Variants in WWOX observed in about 807,000 individuals in gnomAD.
The protein encoded by WWOX is WW domain-containing oxidoreductase.
Under a neutral mutation model 46.2 loss-of-function variants are expected in WWOX, and 69 were observed. That is an observed-to-expected ratio of 1.49 (90% CI 1.23 to 1.82). The LOEUF is 1.82. Among genes scored for constraint, WWOX ranks in the 40% most tolerant of loss-of-function variants. The pLI is 0.00. For missense variants in WWOX, 919 were observed against 542.6 expected (o/e 1.69, Z -6.89); for synonymous variants, 359 against 202.6 (o/e 1.77, Z -6.56).
intron 8 of WWOX, among the ~76,000 whole-genome samples, chr16:78,866,420 A>G (rs941775182): frequency 2.7e-5 from 4 of 147,570 alleles, no homozygotes; most frequent in South Asian, 4.4e-4. Context: ...ATTGAGACTG[A>G]TCAAGACATC....
chr16:78,500,500 A>G (rs1486098676), intron 8 of WWOX, among the ~76,000 whole-genome samples: 14 of 151,144 alleles, frequency 9.3e-5, no homozygotes, highest in African/African-American at 2.9e-4. Context: ...TGGGTTAACC[A>G]TGGTAGCATT....
intron 8 of WWOX, among the ~76,000 whole-genome samples, chr16:78,787,147 C>G (rs551801575): frequency 2.0e-5 from 3 of 152,052 alleles, no homozygotes; most frequent in Admixed American, 6.6e-5. Context: ...GACTGTGTCT[C>G]AAAAACAAAA....
intron 8 of WWOX, among the ~76,000 whole-genome samples, chr16:78,693,965 G>A (rs1567496163): frequency 1.3e-5 from 2 of 152,130 alleles, no homozygotes; most frequent in East Asian, 3.9e-4. Context: ...GGACGTGGTG[G>A]CTCATACCTG....
At chr16:78,225,011 C>G (rs1470634018) in intron 5 of WWOX, among the ~76,000 whole-genome samples, 2 of 152,060 alleles carry the variant, frequency 1.3e-5, no homozygotes, top group African/African-American at 4.8e-5. Flanking sequence ...AGACATTAAC[C>G]TGTGGTTATG....
At chr16:78,295,804 G>A (rs143432227) in intron 5 of WWOX, among the ~76,000 whole-genome samples, 2 of 152,340 alleles carry the variant, frequency 1.3e-5, no homozygotes, top group African/African-American at 4.8e-5. Context: ...TTTCGAACAC[G>A]TAGCACAGGG....
intron 5 of WWOX, among the ~76,000 whole-genome samples, chr16:78,185,394 T>C (rs2035665850): frequency 6.6e-6 from 1 of 152,126 alleles, no homozygotes; most frequent in African/African-American, 2.4e-5. Flanking sequence ...GATGATCTGA[T>C]AGGAAGGATT....
intron 8 of WWOX, among the ~76,000 whole-genome samples, chr16:78,448,868 G>C (rs988972314): frequency 6.6e-6 from 1 of 152,048 alleles, no homozygotes; most frequent in African/African-American, 2.4e-5. Flanking sequence ...CTGGTGAGGG[G>C]GCTGTTTAGC....
intron 8 of WWOX, among the ~76,000 whole-genome samples, chr16:78,862,904 C>G (rs574212000): frequency 1.3e-5 from 2 of 151,870 alleles, no homozygotes; most frequent in Non-Finnish European, 2.9e-5. Flanking sequence ...ATCTGGGTAT[C>G]CTGTGGCCCA....
intron 5 of WWOX, among the ~76,000 whole-genome samples, chr16:78,201,845 A>G (rs949453512): frequency 2.6e-5 from 4 of 151,964 alleles, no homozygotes; most frequent in African/African-American, 9.7e-5. Flanking sequence ...GACTACAGGC[A>G]CGTGCCACCA....
intron 8 of WWOX, among the ~76,000 whole-genome samples, chr16:78,939,937 C>T (rs942038880): frequency 6.6e-6 from 1 of 152,186 alleles, no homozygotes; most frequent in Non-Finnish European, 1.5e-5. Flanking sequence ...AATTCGACTG[C>T]CCCCACCCAG....
chr16:78,957,575 C>G (rs995723485), intron 8 of WWOX, among the ~76,000 whole-genome samples: 1 of 152,138 alleles, frequency 6.6e-6, no homozygotes, highest in African/African-American at 2.4e-5. Context: ...TGGTGAAATA[C>G]CCGTGATTCA....
chr16:78,823,392 C>G (rs1160663998), intron 8 of WWOX, among the ~76,000 whole-genome samples: 4 of 152,110 alleles, frequency 2.6e-5, no homozygotes, highest in African/African-American at 9.7e-5. Flanking sequence ...ATTCCAGGTT[C>G]AATAAGAGGC....
Position 78,532,494 on chromosome 16 carries a change from G to T in WWOX, c.1056+99742G>T, listed in dbSNP as rs560091032. On this transcript the variant is annotated intron_variant, in intron 8 of 8. Transcript: ENST00000566780. ...TTTAAGGATTGATACTAGCTAGGGT[G>T]TTGATAAGAAACAGCAGGCATAGTT... Among the ~76,000 whole-genome samples, 3 of 152,302 alleles carry T rather than the reference G, an allele frequency of 2.0e-5. No homozygotes were observed. The South Asian group carries it at 6.2e-4, about 32-fold the overall frequency.
chr16:78,462,706 T>G (rs965622146), intron 8 of WWOX, among the ~76,000 whole-genome samples: 2 of 152,146 alleles, frequency 1.3e-5, no homozygotes, highest in Non-Finnish European at 2.9e-5. Flanking sequence ...AAAGGTGCAA[T>G]AACATCTTAA....
At chr16:78,253,262 G>A (rs766665140) in intron 5 of WWOX, among the ~76,000 whole-genome samples, 1 of 152,184 alleles carries the variant, frequency 6.6e-6, no homozygotes, top group Non-Finnish European at 1.5e-5. Context: ...ATAACACTTA[G>A]CATGTCTGAA....
chr16:78,783,013 A>T (rs2050369130), intron 8 of WWOX, among the ~76,000 whole-genome samples: 1 of 152,218 alleles, frequency 6.6e-6, no homozygotes, highest in Non-Finnish European at 1.5e-5. Context: ...ACTGAATCCT[A>T]GTGTGATCTT....
chr16:78,943,670 G>A (rs1360250383), intron 8 of WWOX, among the ~76,000 whole-genome samples: 1 of 152,182 alleles, frequency 6.6e-6, no homozygotes, highest in Admixed American at 6.5e-5. Flanking sequence ...GAAGAGTGTA[G>A]GACACTGGAA....
intron 8 of WWOX, among the ~76,000 whole-genome samples, chr16:79,113,595 G>A (rs62038837): frequency 0.017 from 2,601 of 152,326 alleles, 91 homozygotes; most frequent in African/African-American, 0.059. Flanking sequence ...AATCCCTGTC[G>A]CCAAAGAAGG....
chr16:79,154,060 G>T (rs1467678536), intron 8 of WWOX, among the ~76,000 whole-genome samples: 1 of 152,142 alleles, frequency 6.6e-6, no homozygotes, highest in Non-Finnish European at 1.5e-5. Flanking sequence ...GGCTCCCTTT[G>T]GCCTCCATTC....
Sources: gnomAD v4.1 joint callset for allele counts (sites outside exome capture counted in the v4.1 genomes callset) on GRCh38, gnomAD v4.1.1 for gene constraint, MANE v1.5 for transcripts, NCBI Gene and HGNC (gene_info 2026-07-23, HGNC 2026-07-21) for gene names.